The following SLC41A3 variants were observed in gnomAD, a reference collection of about 807,000 sequenced individuals.
The protein encoded by SLC41A3 is SLC41A1-like 2.
SLC41A3 carries 44 observed loss-of-function variants against 45.4 expected under a neutral mutation model. The ratio of observed to expected loss-of-function variants is 0.97; its 90% CI spans 0.76 to 1.25. SLC41A3 has a LOEUF of 1.25. SLC41A3 is among the 50% of genes most tolerant of loss of function. The pLI is 0.00. For missense variants in SLC41A3, 550 were observed against 600.6 expected (o/e 0.92, Z 0.88); for synonymous variants, 256 against 252.4 (o/e 1.01, Z -0.13).
At chr3:126,093,183 G>T (rs1576388536) in intron 1 of SLC41A3, among the ~76,000 whole-genome samples, 1 of 152,102 alleles carries the variant, frequency 6.6e-6, no homozygotes, top group African/African-American at 2.4e-5. Flanking sequence ...ATTACTCAAA[G>T]AATTTAAACA....
chr3:126,084,143 G>A (rs931061209), upstream of SLC41A3: 8 of 152,314 alleles, frequency 5.3e-5, no homozygotes, highest in Non-Finnish European at 1.2e-4. Context: ...AGGACGCAGG[G>A]GCGGGCCTGC....
chr3:126,033,856 G>T (rs1344447310), intron 3 of SLC41A3, among the ~76,000 whole-genome samples, 178 bp from the exon 4 acceptor site: 2 of 152,082 alleles, frequency 1.3e-5, no homozygotes, highest in African/African-American at 4.8e-5. Flanking sequence ...TACGGGGAGT[G>T]GGGAGAAACG....
At chr3:126,081,611 T>C (rs1424991134) in intron 1 of SLC41A3, among the ~76,000 whole-genome samples, 2 of 152,244 alleles carry the variant, frequency 1.3e-5, no homozygotes, top group African/African-American at 2.4e-5. Context: ...CTCAAAAATA[T>C]GTACATCTAT....
At chr3:126,025,958 G>A (rs952194642) in intron 5 of SLC41A3, among the ~76,000 whole-genome samples, 2 of 152,204 alleles carry the variant, frequency 1.3e-5, no homozygotes, top group African/African-American at 4.8e-5. Flanking sequence ...TGTGTGTAAG[G>A]TCATGCTCAA....
chr3:126,014,270 A>G (rs1212792721), intron 8 of SLC41A3, among the ~76,000 whole-genome samples: 1 of 152,062 alleles, frequency 6.6e-6, no homozygotes, highest in Non-Finnish European at 1.5e-5. Flanking sequence ...AAAAAGAAAA[A>G]GGAAAAAAAA....
chr3:126,035,522 G>T (rs1942123450), intron 3 of SLC41A3, among the ~76,000 whole-genome samples: 1 of 152,224 alleles, frequency 6.6e-6, no homozygotes, highest in Admixed American at 6.5e-5. Context: ...CAAGACTATT[G>T]CCATGAGGGA....
chr3:126,068,977 A>G (rs969420894), intron 1 of SLC41A3, among the ~76,000 whole-genome samples: 2 of 152,188 alleles, frequency 1.3e-5, no homozygotes, highest in African/African-American at 2.4e-5. Flanking sequence ...GGGGTGAACA[A>G]CAGACTAATG....
intron 3 of SLC41A3, among the ~76,000 whole-genome samples, chr3:126,042,544 C>T (rs1302177654): frequency 6.6e-6 from 1 of 151,904 alleles, no homozygotes; most frequent in Non-Finnish European, 1.5e-5. Flanking sequence ...GTCACAGGAA[C>T]AAAAAAATTG....
intron 2 of SLC41A3, among the ~76,000 whole-genome samples, chr3:126,063,636 A>C (rs370436236): frequency 2.0e-5 from 3 of 152,152 alleles, no homozygotes. Flanking sequence ...GACACACAAA[A>C]CATAAAACAG....
At chr3:126,062,616 C>T (rs960741402) in intron 2 of SLC41A3, among the ~76,000 whole-genome samples, 6 of 152,224 alleles carry the variant, frequency 3.9e-5, no homozygotes, top group East Asian at 1.9e-4. Context: ...ACATGTGGTG[C>T]GAGGCCTGGC....
At chr3:126,059,953 G>A (rs374842826) in intron 2 of SLC41A3, among the ~76,000 whole-genome samples, 1 of 152,154 alleles carries the variant, frequency 6.6e-6, no homozygotes, top group East Asian at 1.9e-4. Flanking sequence ...AGTTTCGGAC[G>A]TGGTCAAACA....
chr3:126,042,338 G>C (rs1942649561), intron 3 of SLC41A3, among the ~76,000 whole-genome samples: 1 of 152,124 alleles, frequency 6.6e-6, no homozygotes, highest in Non-Finnish European at 1.5e-5. Context: ...GAGAGAAAAA[G>C]CACATCCACA....
intron 1 of SLC41A3, chr3:126,070,248 C>G (rs1021122130): frequency 6.6e-6 from 1 of 152,214 alleles, no homozygotes; most frequent in Non-Finnish European, 1.5e-5. Context: ...GGGAACTGGG[C>G]CACACAGCAG....
At chr3:126,017,892 G>A (rs571172048) in intron 6 of SLC41A3, among the ~76,000 whole-genome samples, 2 of 152,144 alleles carry the variant, frequency 1.3e-5, no homozygotes, top group African/African-American at 2.4e-5. Flanking sequence ...GGAGATATAA[G>A]CCAGGCCCAG....
Position 126,036,805 on chromosome 3 carries a change from TG to T in SLC41A3, c.382-3128del, listed in dbSNP as rs1288783919. On this transcript the variant is annotated intron_variant, in intron 3 of 10. Transcript: ENST00000360370. Reference sequence around the variant, plus strand: ...ACAAAATACACTTACTGGATTAAGATGGAAGATGGAACATCTGTTTTGCTAT... The same window carrying T: ...ACAAAATACACTTACTGGATTAAGATGAAGATGGAACATCTGTTTTGCTAT... 2.0e-5 allele frequency among the ~76,000 whole-genome samples: 3 copies of T among 152,354 alleles called. No homozygotes were observed. In the East Asian group the frequency reaches 5.8e-4, roughly 29 times the overall value.
At chr3:126,033,789 C>A in intron 3 of SLC41A3, 111 bp from the exon 4 acceptor site, 1 of 1,163,496 alleles carries the variant, frequency 8.6e-7, no homozygotes, top group South Asian at 1.4e-5. Context: ...ACCATTTCAT[C>A]AGCGTCAGAA....
chr3:126,067,093 G>GCGCGCGCCCCCCCCCCCCCCC lies in SLC41A3; in HGVS notation c.273+853_273+854insGGGGGGGGGGGGGGGCGCGCG, dbSNP rs1559877784. ...TGGGTCAGGGTCTGTGGGTTGGACC[G>GCGCGCGCCCCCCCCCCCCCCC]CCCCCCCGCCCCCCGCCCCGGCCAC... On this transcript the variant is annotated intron_variant, in intron 2 of 10. Coordinates refer to ENST00000360370, the MANE Select transcript of SLC41A3 (RefSeq NM_017836.4). 2.4e-4 allele frequency among the ~76,000 whole-genome samples: 18 copies of GCGCGCGCCCCCCCCCCCCCCC among 74,504 alleles called. 1 individual carries two copies. The highest frequency in any genetic ancestry group is 6.9e-4 in the African/African-American group (15 of 21,828). 48.9% of individuals were successfully genotyped at this position (74,504 alleles called of 152,430 possible).
intron 2 of SLC41A3, among the ~76,000 whole-genome samples, chr3:126,054,039 C>A (rs568617086): frequency 1.3e-5 from 2 of 152,174 alleles, no homozygotes; most frequent in African/African-American, 2.4e-5. Flanking sequence ...TGCCCACAGT[C>A]CCCCAGCTCT....
intron 2 of SLC41A3, chr3:126,067,409 G>T (rs1053034337): frequency 5.6e-6 from 1 of 179,266 alleles, no homozygotes; most frequent in African/African-American, 2.4e-5. Flanking sequence ...AGGTCATTAG[G>T]GTGGGCCCTA....
Sources: gnomAD v4.1 joint callset for allele counts (sites outside exome capture counted in the v4.1 genomes callset) on GRCh38, gnomAD v4.1.1 for gene constraint, MANE v1.5 for transcripts, NCBI Gene and HGNC (gene_info 2026-07-23, HGNC 2026-07-21) for gene names.